PDE12: variants seen among roughly 807,000 people sequenced by gnomAD.
The protein encoded by PDE12 is phosphodiesterase 12.
PDE12 carries 26 observed loss-of-function variants against 45.4 expected under a neutral mutation model. That is an observed-to-expected ratio of 0.57 (90% confidence interval 0.42 to 0.79). PDE12 has a LOEUF of 0.79. PDE12 is among the 30% of genes least tolerant of loss of function. The pLI is 0.00. For synonymous variants in PDE12, 283 were observed against 323.9 expected (o/e 0.87, Z 1.36); for missense variants, 668 against 790.0 (o/e 0.85, Z 1.85).
At chr3:57,578,398 AAAAG>A in the PDE12 span, among the ~76,000 whole-genome samples, 3 of 151,920 alleles carry the variant, frequency 2.0e-5, no homozygotes, top group African/African-American at 7.3e-5. Flanking sequence ...CTTAAAAAAA[AAAAG>A]AAAGAAAAAT....
chr3:57,607,192 G>A, the PDE12 span, among the ~76,000 whole-genome samples: 1 of 152,166 alleles, frequency 6.6e-6, no homozygotes, highest in African/African-American at 2.4e-5. Flanking sequence ...GGTCCTGACT[G>A]TTAGAAGGAA....
chr3:57,619,880 T>TA, the PDE12 span, among the ~76,000 whole-genome samples: 14 of 150,358 alleles, frequency 9.3e-5, no homozygotes, highest in Admixed American at 6.0e-4. Flanking sequence ...AAATAAAAAA[T>TA]AAAAAAAAGA....
Position 57,566,141 on chromosome 3 carries a change from A to C in PDE12, c.*6137A>C, listed in dbSNP as rs564447300. 6.6e-6 allele frequency: 1 copy of C among 152,008 alleles called. No homozygotes were observed. Among genetic ancestry groups the C allele is most frequent in the Non-Finnish European group, 1.5e-5 (1 of 68,020 alleles). 9.4% of individuals were successfully genotyped at this position (152,008 alleles called of 1,614,324 possible). ...GACTGGCCCCCAAAAGAAGCTGCAT[A>C]CTCACTTGGCAGTCACTCCCCATTC... On this transcript the variant is annotated 3_prime_UTR_variant, in exon 3 of 3. Transcript: ENST00000311180.
chr3:57,595,720 G>A, the PDE12 span, among the ~76,000 whole-genome samples: 3 of 152,154 alleles, frequency 2.0e-5, no homozygotes. Flanking sequence ...AAGCCTGGGT[G>A]GGTGGATCAC....
rs1559777040 is a variant in PDE12 at position 57,557,670 on chromosome 3, A to G, written c.1291A>G (p.Arg431Gly). The G allele has an allele frequency of 1.2e-6, 2 of 1,613,814 alleles. No individual in the cohort carries two copies. The highest frequency in any genetic ancestry group is 8.5e-7 in the Non-Finnish European group (1 of 1,179,842). The stretch of plus-strand genomic sequence containing the variant: ...ATCAGCGCAGGAGAAGGTGCTCCAG[A>G]GATCTTCTGTTCTTCAGGTAAAGTA... The part of the protein sequence containing the change: ...YPSAQEKVLQ[R>G]SSVLQVSVLQ... Residue 431 changes from arginine to glycine, a missense_variant, in exon 1 of 3, where the codon AGA becomes GGA. Around this residue, in one of 3 missense-constraint regions of PDE12, gnomAD observed 580 missense variants for 662.9 expected, o/e 0.87. Transcript: ENST00000311180.
At chr3:57,572,272 T>C in the PDE12 span, 4 of 1,614,094 alleles carry the variant, frequency 2.5e-6, no homozygotes, top group African/African-American at 2.7e-5. Context: ...CAGTTCCTTG[T>C]GTTGCACAAG....
At chr3:57,645,741 T>C in the PDE12 span, 1 of 1,612,678 alleles carries the variant, frequency 6.2e-7, no homozygotes. Context: ...TGAAGTACTT[T>C]AATGGAGAAA....
the PDE12 span, among the ~76,000 whole-genome samples, chr3:57,588,669 C>A: frequency 1.4e-5 from 2 of 144,992 alleles, no homozygotes; most frequent in Admixed American, 1.4e-4. Flanking sequence ...GCCTGACCAA[C>A]ATGGAGAAAG....
chr3:57,611,920 A>G, the PDE12 span, among the ~76,000 whole-genome samples: 1 of 152,166 alleles, frequency 6.6e-6, no homozygotes, highest in Non-Finnish European at 1.5e-5. Flanking sequence ...ATGCTGCTAT[A>G]AAGATGTTAT....
chr3:57,644,678 G>A, the PDE12 span, among the ~76,000 whole-genome samples: 1 of 114,744 alleles, frequency 8.7e-6, no homozygotes, highest in Admixed American at 9.2e-5. Context: ...ACCAGCCTGG[G>A]CAACAGGGAA....
At chr3:57,606,273 G>C in the PDE12 span, among the ~76,000 whole-genome samples, 1 of 152,174 alleles carries the variant, frequency 6.6e-6, no homozygotes, top group South Asian at 2.1e-4. Context: ...TAGGAACAAA[G>C]ATAAGGGTGA....
At chr3:57,573,256 A>C in the PDE12 span, among the ~76,000 whole-genome samples, 1 of 151,986 alleles carries the variant, frequency 6.6e-6, no homozygotes. Context: ...TTTTAAGGGC[A>C]AGCTTTTCAG....
chr3:57,561,401 A>G lies in PDE12; in HGVS notation c.*1397A>G, dbSNP rs895343291. On this transcript the variant is annotated 3_prime_UTR_variant, in exon 3 of 3. Coordinates refer to ENST00000311180, the MANE Select transcript of PDE12 (RefSeq NM_177966.7). The stretch of plus-strand genomic sequence containing the variant: ...ACAGACAAGCATTATAGTTTGAGTT[A>G]CAGACAACAGTGTGTATATATGTAA... The G allele has an allele frequency of 3.5e-5, 34 of 980,194 alleles. No homozygotes were observed. The Admixed American group carries it at 6.8e-4, about 20-fold the overall frequency. 60.7% of individuals were successfully genotyped at this position (980,194 alleles called of 1,614,324 possible).
chr3:57,640,757 C>T, the PDE12 span, among the ~76,000 whole-genome samples: 2 of 151,984 alleles, frequency 1.3e-5, no homozygotes, highest in Non-Finnish European at 2.9e-5. Flanking sequence ...AATTACTACG[C>T]CCAAACCATG....
chr3:57,630,819 T>C, the PDE12 span: 1 of 1,613,360 alleles, frequency 6.2e-7, no homozygotes, highest in East Asian at 2.2e-5. Flanking sequence ...TTAATTGAGG[T>C]GGACTCTAGA....
At chr3:57,598,641 C>T in the PDE12 span, among the ~76,000 whole-genome samples, 2 of 152,170 alleles carry the variant, frequency 1.3e-5, no homozygotes, top group East Asian at 3.9e-4. Context: ...ATTAACCGGG[C>T]GTGGTGGCGG....
At chr3:57,623,173 G>A in the PDE12 span, among the ~76,000 whole-genome samples, 1 of 152,066 alleles carries the variant, frequency 6.6e-6, no homozygotes, top group African/African-American at 2.4e-5. Flanking sequence ...ACTTTGGGAG[G>A]TGGAGGCGGG....
chr3:57,649,898 G>C, the PDE12 span, among the ~76,000 whole-genome samples: 3 of 119,212 alleles, frequency 2.5e-5, no homozygotes, highest in Admixed American at 1.9e-4. Context: ...TCCCCTTTTT[G>C]GGCTCTGACT....
At chr3:57,572,800 AAAG>A in the PDE12 span, among the ~76,000 whole-genome samples, 1 of 152,186 alleles carries the variant, frequency 6.6e-6, no homozygotes, top group African/African-American at 2.4e-5. Context: ...TAATCTGAAA[AAAG>A]AAATCATGGG....
Sources: allele counts gnomAD v4.1 joint callset (sites outside exome capture counted in the v4.1 genomes callset), GRCh38; gene constraint gnomAD v4.1.1; regional missense constraint gnomAD v4.1.1; transcripts MANE v1.5; gene names NCBI Gene and HGNC (gene_info 2026-07-23, HGNC 2026-07-21).